The following ATP2C2 variants were observed in gnomAD, a reference collection of about 807,000 sequenced individuals.
ATP2C2 encodes the protein ATPase secretory pathway Ca2+ transporting 2, also known as calcium-transporting ATPase type 2C member 2.
ATP2C2 carries 171 observed loss-of-function variants against 110.8 expected under a neutral mutation model. That is an observed-to-expected ratio of 1.54 (90% CI 1.36 to 1.75). The LOEUF is 1.75. Among genes scored for constraint, ATP2C2 ranks in the 40% most tolerant of loss-of-function variants. The pLI is 0.00. For missense variants in ATP2C2, 1,963 were observed against 1,235.0 expected (o/e 1.59, Z -8.84); for synonymous variants, 804 against 508.4 (o/e 1.58, Z -7.82).
At chr16:84,437,049 G>A (rs1173607273) in intron 11 of ATP2C2, among the ~76,000 whole-genome samples, 8 of 151,730 alleles carry the variant, frequency 5.3e-5, no homozygotes, top group African/African-American at 1.9e-4. Flanking sequence ...GGCATGAGCC[G>A]CCACACCCGG....
chr16:84,400,324 T>G (rs1297201112), intron 2 of ATP2C2, among the ~76,000 whole-genome samples: 2 of 136,372 alleles, frequency 1.5e-5, no homozygotes, highest in African/African-American at 6.9e-5. Context: ...TATTTTTAGT[T>G]TTTTGTTGTT....
intron 1 of ATP2C2, among the ~76,000 whole-genome samples, chr16:84,377,965 T>A (rs1242428258): frequency 1.3e-5 from 2 of 152,076 alleles, no homozygotes; most frequent in Non-Finnish European, 2.9e-5. Flanking sequence ...CCCTAAGACC[T>A]CCCTGTGGCC....
At chr16:84,458,769 C>G (rs1910944882) in intron 21 of ATP2C2, among the ~76,000 whole-genome samples, 1 of 152,230 alleles carries the variant, frequency 6.6e-6, no homozygotes, top group African/African-American at 2.4e-5. Context: ...TCTCTCTCCT[C>G]TTTGGTAAAT....
At chr16:84,447,308 A>G (rs1022433388) in intron 16 of ATP2C2, among the ~76,000 whole-genome samples, 3 of 152,198 alleles carry the variant, frequency 2.0e-5, no homozygotes, top group Admixed American at 6.5e-5. Flanking sequence ...TAGATTTTCA[A>G]AAAACTTTTA....
chr16:84,368,675 C>T lies in ATP2C2; in HGVS notation c.60C>T (p.Arg20=). Residue 20 remains arginine, a synonymous_variant, in exon 1 of 27, where the codon CGC becomes CGT. Coordinates refer to ENST00000262429, the MANE Select transcript of ATP2C2 (RefSeq NM_014861.4). The part of the protein sequence containing the change: ...LKKLGFSGGG[R]QYQALEKDEE... ...AACTCGGCTTCTCGGGCGGGGGCCG[C>T]CAGTACCAGGCGCTGGAGAAGGACG... The T allele has an allele frequency of 1.2e-5, 18 of 1,561,000 alleles. No homozygotes were observed. Among genetic ancestry groups the T allele is most frequent in the Non-Finnish European group, 1.6e-5 (18 of 1,155,782 alleles).
At chr16:84,399,150 G>A (rs1905168925) in intron 2 of ATP2C2, among the ~76,000 whole-genome samples, 1 of 152,334 alleles carries the variant, frequency 6.6e-6, no homozygotes, top group African/African-American at 2.4e-5. Flanking sequence ...GTGTGTGTGT[G>A]CACACGTGCG....
intron 21 of ATP2C2, among the ~76,000 whole-genome samples, chr16:84,458,588 C>T (rs147710415): frequency 1.3e-4 from 20 of 152,218 alleles, no homozygotes; most frequent in Non-Finnish European, 2.5e-4. Context: ...GTGGGGGCAC[C>T]CACGGTGCGT....
chr16:84,411,868 A>G (rs994171611), intron 6 of ATP2C2, among the ~76,000 whole-genome samples: 1 of 152,212 alleles, frequency 6.6e-6, no homozygotes, highest in African/African-American at 2.4e-5. Flanking sequence ...AACAGCTGCC[A>G]TTGGTGGAGG....
At chr16:84,430,264 C>A (rs1200045915) in intron 11 of ATP2C2, among the ~76,000 whole-genome samples, 1 of 152,136 alleles carries the variant, frequency 6.6e-6, no homozygotes, top group Non-Finnish European at 1.5e-5. Flanking sequence ...GAGATGAGGA[C>A]AAGGAGGCCT....
At chr16:84,433,709 C>T (rs891997490) in intron 11 of ATP2C2, among the ~76,000 whole-genome samples, 3 of 151,904 alleles carry the variant, frequency 2.0e-5, no homozygotes, top group African/African-American at 7.3e-5. Context: ...CACACACCCT[C>T]CTGCCAATAA....
At chr16:84,418,727 C>T (rs911783028) in intron 7 of ATP2C2, among the ~76,000 whole-genome samples, 3 of 152,228 alleles carry the variant, frequency 2.0e-5, no homozygotes, top group East Asian at 3.9e-4. Flanking sequence ...GACGTTCTCT[C>T]TCTCCCTGTG....
chr16:84,403,773 C>T (rs1429402471), intron 2 of ATP2C2, among the ~76,000 whole-genome samples: 2 of 152,052 alleles, frequency 1.3e-5, no homozygotes, highest in Non-Finnish European at 2.9e-5. Context: ...TCACTGCAAC[C>T]TCCGCCTCCC....
intron 17 of ATP2C2, among the ~76,000 whole-genome samples, chr16:84,451,220 C>G (rs3785068): frequency 0.46 from 70,430 of 151,990 alleles, 16,514 homozygotes; most frequent in Non-Finnish European, 0.5. Context: ...ATCAGCTCTC[C>G]TGAGATGTAT....
intron 14 of ATP2C2, among the ~76,000 whole-genome samples, chr16:84,441,985 G>T (rs183722115): frequency 5.7e-4 from 86 of 152,140 alleles, no homozygotes; most frequent in African/African-American, 1.9e-3. Flanking sequence ...GAAAAGAAAA[G>T]AAATGGGCAG....
chr16:84,450,666 G>A (rs1442790038), intron 17 of ATP2C2, among the ~76,000 whole-genome samples: 1 of 152,056 alleles, frequency 6.6e-6, no homozygotes, highest in Non-Finnish European at 1.5e-5. Flanking sequence ...CATCTTTGGT[G>A]TCAGTGAGGG....
chr16:84,449,908 G>C (rs1011887548), intron 17 of ATP2C2, among the ~76,000 whole-genome samples: 1 of 152,252 alleles, frequency 6.6e-6, no homozygotes, highest in African/African-American at 2.4e-5. Context: ...CCTGGCACTT[G>C]GGCCCCACTT....
chr16:84,393,471 G>A (rs113670099), intron 1 of ATP2C2, among the ~76,000 whole-genome samples: 10 of 152,086 alleles, frequency 6.6e-5, no homozygotes, highest in African/African-American at 1.7e-4. Flanking sequence ...GCTATGTCCC[G>A]GTGGCCTTGA....
intron 14 of ATP2C2, 94 bp from the exon 15 acceptor site, chr16:84,442,416 A>C: frequency 1.7e-6 from 2 of 1,203,620 alleles, no homozygotes; most frequent in Non-Finnish European, 2.4e-6. Context: ...TCTTGTCCCC[A>C]CAACCCCAGC....
At chr16:84,384,104 A>G (rs960570675) in intron 1 of ATP2C2, among the ~76,000 whole-genome samples, 4 of 152,072 alleles carry the variant, frequency 2.6e-5, no homozygotes, top group Non-Finnish European at 4.4e-5. Context: ...TCTTTAAGTG[A>G]CAGTCTTCAT....
Sources: allele counts gnomAD v4.1 joint callset (sites outside exome capture counted in the v4.1 genomes callset), GRCh38; gene constraint gnomAD v4.1.1; transcripts MANE v1.5; gene names NCBI Gene and HGNC (gene_info 2026-07-23, HGNC 2026-07-21).